HS3ST4: variants seen among roughly 807,000 people sequenced by gnomAD.
HS3ST4 encodes the protein heparan sulfate-glucosamine 3-sulfotransferase 4.
In HS3ST4, 17 loss-of-function variants were observed where a neutral mutation model predicts 29.2. That is an observed-to-expected ratio of 0.58 (90% CI 0.40 to 0.87). The LOEUF (loss-of-function observed/expected upper bound fraction) is 0.87. Ranked by LOEUF, HS3ST4 falls within the 40% of genes least tolerant of loss-of-function variation. The pLI is 0.00. For synonymous variants in HS3ST4, 314 were observed against 285.7 expected (o/e 1.10, Z -1.00); for missense variants, 627 against 634.5 (o/e 0.99, Z 0.13).
chr16:26,024,228 GAAAAAA>G (rs58068324), intron 1 of HS3ST4, among the ~76,000 whole-genome samples: 1 of 127,090 alleles, frequency 7.9e-6, no homozygotes, highest in African/African-American at 2.9e-5. Flanking sequence ...GTCTCAAAAG[GAAAAAA>G]AAAAAAAAAA....
rs960193341 is a variant in HS3ST4, at chr16:26,034,758, C to T, written c.735-100854C>T. On this transcript the variant is annotated intron_variant, in intron 1 of 1. Coordinates refer to ENST00000331351, the MANE Select transcript of HS3ST4 (RefSeq NM_006040.3). ...GAAAGCCTATTAAAAAAAAAACTGA[C>T]GTGAGTTCAAGACCAGCCTGGGCAA... is the stretch of plus-strand genomic sequence containing the variant. Among the ~76,000 whole-genome samples, 9 of 151,566 alleles carry T rather than the reference C, an allele frequency of 5.9e-5. 1 individual carries two copies. The South Asian group carries it at 1.0e-3, about 18-fold the overall frequency.
intron 1 of HS3ST4, among the ~76,000 whole-genome samples, chr16:25,933,548 A>G (rs1439161615): frequency 6.6e-6 from 1 of 152,178 alleles, no homozygotes; most frequent in Non-Finnish European, 1.5e-5. Flanking sequence ...GTCACATTTT[A>G]TCTGCTTGTA....
At chr16:25,998,773 T>C (rs185403233) in intron 1 of HS3ST4, among the ~76,000 whole-genome samples, 7 of 152,292 alleles carry the variant, frequency 4.6e-5, no homozygotes, top group Admixed American at 2.6e-4. Flanking sequence ...CTGGGATGAA[T>C]TTTCCTCTTT....
At position 25,899,030 on chromosome 16, in the gene HS3ST4, G is replaced by T. The variant is rs1968097077; in HGVS notation, c.734+205879G>T. On this transcript the variant is annotated intron_variant, in intron 1 of 1. Coordinates refer to ENST00000331351, the MANE Select transcript of HS3ST4 (RefSeq NM_006040.3). ...ACTGTCTAGATGTCTTTCACACCGT[G>T]GCACAGTTACTTTTTCTACCAACTG... 2.0e-5 allele frequency among the ~76,000 whole-genome samples: 3 copies of T among 152,182 alleles called. No homozygotes were observed. The South Asian group carries it at 6.2e-4, about 31-fold the overall frequency.
At chr16:25,832,961 C>G (rs531324296) in intron 1 of HS3ST4, among the ~76,000 whole-genome samples, 1 of 152,312 alleles carries the variant, frequency 6.6e-6, no homozygotes, top group South Asian at 2.1e-4. Context: ...CCCTCTTTGG[C>G]TAAGTTCGCA....
At chr16:25,938,338 T>C (rs1028934201) in intron 1 of HS3ST4, among the ~76,000 whole-genome samples, 4 of 152,142 alleles carry the variant, frequency 2.6e-5, no homozygotes, top group Non-Finnish European at 5.9e-5. Context: ...TAATCTCATT[T>C]TGTAGTTGCA....
At chr16:26,094,201 T>C (rs182187975) in intron 1 of HS3ST4, among the ~76,000 whole-genome samples, 1 of 152,242 alleles carries the variant, frequency 6.6e-6, no homozygotes, top group Admixed American at 6.5e-5. Flanking sequence ...CAGGATATTA[T>C]CCAGGAGAAC....
At chr16:25,752,424 T>C (rs1363940824) in intron 1 of HS3ST4, among the ~76,000 whole-genome samples, 1 of 152,114 alleles carries the variant, frequency 6.6e-6, no homozygotes, top group Non-Finnish European at 1.5e-5. Context: ...ATTTTAGTAA[T>C]TAATCACATT....
intron 1 of HS3ST4, among the ~76,000 whole-genome samples, chr16:25,833,040 A>T (rs1567250749): frequency 6.6e-6 from 1 of 152,216 alleles, no homozygotes. Context: ...ATATATTTTT[A>T]AATTAAATTT....
chr16:26,093,472 G>C (rs749583190), intron 1 of HS3ST4, among the ~76,000 whole-genome samples: 1 of 152,200 alleles, frequency 6.6e-6, no homozygotes, highest in Non-Finnish European at 1.5e-5. Context: ...AGGCAAACAG[G>C]TCTGGAGTGG....
At chr16:26,045,346 A>G (rs983711782) in intron 1 of HS3ST4, among the ~76,000 whole-genome samples, 4 of 152,174 alleles carry the variant, frequency 2.6e-5, no homozygotes, top group African/African-American at 9.7e-5. Flanking sequence ...TTCTGGGGTA[A>G]AGAATTCTTC....
intron 1 of HS3ST4, among the ~76,000 whole-genome samples, chr16:25,834,682 A>G (rs1317230574): frequency 6.6e-6 from 1 of 152,208 alleles, no homozygotes; most frequent in African/African-American, 2.4e-5. Context: ...GTGGTGGCTC[A>G]CGCCTGTAAT....
intron 1 of HS3ST4, among the ~76,000 whole-genome samples, chr16:25,863,056 T>C (rs1292670550): frequency 6.6e-6 from 1 of 152,220 alleles, no homozygotes; most frequent in African/African-American, 2.4e-5. Flanking sequence ...TTTGGATTTC[T>C]TCTTTCGGTT....
At chr16:25,955,650 A>G (rs181335700) in intron 1 of HS3ST4, among the ~76,000 whole-genome samples, 245 of 152,162 alleles carry the variant, frequency 1.6e-3, no homozygotes, top group African/African-American at 5.7e-3. Context: ...GGCACTTCAA[A>G]TAATATAATA....
rs141134761 is a variant in HS3ST4, at chr16:25,966,237, A to T, written c.735-169375A>T. Reference sequence around the variant, plus strand: ...CAATAGAGCTGGCTGTTTTAAACTCATGCAGTTCTGACTTCAGTGCCTGCA... The same window carrying T: ...CAATAGAGCTGGCTGTTTTAAACTCTTGCAGTTCTGACTTCAGTGCCTGCA... On this transcript the variant is annotated intron_variant, in intron 1 of 1. Coordinates refer to ENST00000331351, the MANE Select transcript of HS3ST4 (RefSeq NM_006040.3). 9.9e-4 allele frequency among the ~76,000 whole-genome samples: 150 copies of T among 152,272 alleles called. 1 individual carries two copies. The highest frequency in any genetic ancestry group is 3.5e-3 in the African/African-American group (145 of 41,564).
chr16:25,978,557 ACC>A (rs1209845902), intron 1 of HS3ST4, among the ~76,000 whole-genome samples: 2 of 152,240 alleles, frequency 1.3e-5, no homozygotes, highest in Non-Finnish European at 1.5e-5. Context: ...AAAGTCCAGA[ACC>A]CAGTGTGAAT....
intron 1 of HS3ST4, among the ~76,000 whole-genome samples, chr16:26,044,635 TAGG>T (rs1428502239): frequency 1.3e-5 from 2 of 151,878 alleles, no homozygotes; most frequent in South Asian, 2.1e-4. Context: ...TAAAAAAAAA[TAGG>T]AGGGATCTAG....
At chr16:26,072,648 T>G (rs2141778009) in intron 1 of HS3ST4, among the ~76,000 whole-genome samples, 1 of 152,346 alleles carries the variant, frequency 6.6e-6, no homozygotes, top group South Asian at 2.1e-4. Context: ...GACAATCAGT[T>G]TTTATATTTC....
intron 1 of HS3ST4, among the ~76,000 whole-genome samples, chr16:25,823,755 G>C (rs1294446784): frequency 1.3e-5 from 2 of 152,034 alleles, no homozygotes; most frequent in Admixed American, 6.6e-5. Context: ...GTAGAGATGG[G>C]GTTTCACCAT....
Sources: gnomAD v4.1 joint callset for allele counts (sites outside exome capture counted in the v4.1 genomes callset) on GRCh38, gnomAD v4.1.1 for gene constraint, MANE v1.5 for transcripts, NCBI Gene and HGNC (gene_info 2026-07-23, HGNC 2026-07-21) for gene names.